The following PET117 variants were observed in gnomAD, a reference collection of about 807,000 sequenced individuals.
PET117 encodes PET117 cytochrome c oxidase chaperone, also known as protein PET117 homolog, mitochondrial.
PET117 carries 10 observed loss-of-function variants against 9.2 expected under a neutral mutation model. That is an observed-to-expected ratio of 1.09 (90% confidence interval 0.67 to 1.85). The LOEUF is 1.85. PET117 is among the 40% of genes most tolerant of loss of function. The pLI is 0.00. For missense variants in PET117, 96 were observed against 98.2 expected (o/e 0.98, Z 0.09); for synonymous variants, 43 against 37.1 (o/e 1.16, Z -0.57).
intron 1 of PET117, among the ~76,000 whole-genome samples, chr20:18,141,497 T>C (rs2037577449): frequency 6.6e-6 from 1 of 152,226 alleles, no homozygotes; most frequent in Non-Finnish European, 1.5e-5. Context: ...TGTTTATTGT[T>C]CAGCTAGGAT....
chr20:18,138,763 CCT>C (rs1568660617), intron 1 of PET117, among the ~76,000 whole-genome samples: 3 of 151,734 alleles, frequency 2.0e-5, no homozygotes, highest in Non-Finnish European at 4.4e-5. Flanking sequence ...ACTATTCTGT[CCT>C]CTCAGTTCAT....
chr20:18,138,430 G>T lies in PET117; in HGVS notation c.96+379G>T, dbSNP rs376762967. 3.3e-4 allele frequency: 328 copies of T among 1,005,444 alleles called. No individual in the cohort carries two copies. In the African/African-American group the frequency reaches 5.3e-3, roughly 16 times the overall value. The allele number at this position is 1,005,444 out of a possible 1,614,324, so 62.3% of individuals were successfully genotyped here. A position where few individuals can be genotyped will look rare whatever the true frequency, so the allele number is the denominator to read the frequency against. Reference sequence around the variant, plus strand: ...GACCTTTCCACATCTCACTTGGGCCGCTAGAAAATAGAAGGTGGGGAAGGA... The same window carrying T: ...GACCTTTCCACATCTCACTTGGGCCTCTAGAAAATAGAAGGTGGGGAAGGA... On this transcript the variant is annotated intron_variant, in intron 1 of 1. Transcript: ENST00000432901.
chr20:18,138,702 T>C (rs2037399965), intron 1 of PET117, among the ~76,000 whole-genome samples: 1 of 152,198 alleles, frequency 6.6e-6, no homozygotes, highest in Non-Finnish European at 1.5e-5. Flanking sequence ...CAGATTTTTT[T>C]TTTTGGTACT....
Position 18,137,993 on chromosome 20 carries a change from T to A in PET117, c.38T>A (p.Val13Glu). 6.6e-7 allele frequency: 1 copy of A among 1,507,084 alleles called. No homozygotes were observed. Among genetic ancestry groups the A allele is most frequent in the African/African-American group, 1.4e-5 (1 of 69,670 alleles). The allele number at this position is 1,507,084 out of a possible 1,614,324, so 93.4% of individuals were successfully genotyped here. A position where few individuals can be genotyped will look rare whatever the true frequency, so the allele number is the denominator to read the frequency against. Residue 13 changes from valine (V) to glutamate (E), a missense_variant, in exon 1 of 2, where the codon GTG becomes GAG. By Grantham distance (121) the Val-to-Glu change is moderately radical. Transcript: ENST00000432901. Reference protein sequence around the residue: ...RSSKVVLGLSVLLTAATVAGV... With the variant: ...RSSKVVLGLSELLTAATVAGV... ...TCGAAGGTGGTGCTGGGCCTCTCGGTGCTGCTGACGGCGGCCACAGTGGCC... is the reference window on the plus strand; with the variant it reads ...TCGAAGGTGGTGCTGGGCCTCTCGGAGCTGCTGACGGCGGCCACAGTGGCC...
intron 1 of PET117, among the ~76,000 whole-genome samples, chr20:18,141,054 TTTTTG>T (rs2037554267): frequency 8.2e-6 from 1 of 121,368 alleles, no homozygotes. Flanking sequence ...TTTATTTTTA[TTTTTG>T]CTAGAGATGG....
chr20:18,140,540 T>C (rs1362863165), intron 1 of PET117, among the ~76,000 whole-genome samples: 2 of 152,118 alleles, frequency 1.3e-5, no homozygotes, highest in Non-Finnish European at 2.9e-5. Context: ...CCAGGCACGG[T>C]AGCTCATGCC....
Position 18,142,993 on chromosome 20 carries a change from C to T in PET117, c.*636C>T. The T allele has an allele frequency of 4.5e-6, 7 of 1,564,286 alleles. No homozygotes were observed. The highest frequency in any genetic ancestry group is 2.3e-5 in the East Asian group (1 of 43,634). ...TTGTTTTTCCAACCTGTGAAAGAAA[C>T]GTGAATGTAAAAGAGACCTAAATAA... On this transcript the variant is annotated 3_prime_UTR_variant, in exon 2 of 2. Coordinates refer to ENST00000432901, the MANE Select transcript of PET117 (RefSeq NM_001164811.2).
Position 18,142,356 on chromosome 20 carries a change from G to T in PET117, c.245G>T (p.Ter82LeuextTer41). The change falls in exon 2 of 2, where the codon TGA becomes TTA. Residue 82 changes from the stop codon to leucine, a stop_lost. Coordinates refer to ENST00000432901, the MANE Select transcript of PET117 (RefSeq NM_001164811.2). ...TTGGCAAAAGGATCTCAAAAATCAT[G>T]ACTTGAATGTGAAATATCTGTTGGA... The part of the protein sequence containing the change: ...MLLAKGSQKS[*>L] 6.5e-7 allele frequency: 1 copy of T among 1,535,952 alleles called. No homozygotes were observed. The highest frequency in any genetic ancestry group is 1.2e-5 in the South Asian group (1 of 83,950).
Position 18,139,926 on chromosome 20 carries a change from A to G in PET117, c.96+1875A>G, listed in dbSNP as rs142776277. On this transcript the variant is annotated intron_variant, in intron 1 of 1. Coordinates refer to ENST00000432901, the MANE Select transcript of PET117 (RefSeq NM_001164811.2). ...ATTAAGCAGTGCTACATGAGGAGCC[A>G]GAGTTCTAGGTGTTAGGGTTGGAAG... is the stretch of plus-strand genomic sequence containing the variant. Among the ~76,000 whole-genome samples the G allele has an allele frequency of 3.3e-3, 506 of 152,324 alleles. 3 individuals carry two copies. The highest frequency in any genetic ancestry group is 0.011 in the African/African-American group (467 of 41,582).
chr20:18,142,546 A>G lies in PET117; in HGVS notation c.*189A>G, dbSNP rs998331617. 54 of 1,510,340 alleles carry G rather than the reference A, an allele frequency of 3.6e-5. No individual in the cohort carries two copies. Among genetic ancestry groups the G allele is most frequent in the Non-Finnish European group, 4.8e-5 (54 of 1,127,738 alleles). The allele number at this position is 1,510,340 out of a possible 1,614,324, so 93.6% of individuals were successfully genotyped here. ...TATATCTGAATAAAGGAGTGTGGGC[A>G]GACACTTTTTGGAAGAGTCTGTCTG... On this transcript the variant is annotated 3_prime_UTR_variant, in exon 2 of 2. Transcript: ENST00000432901.
chr20:18,141,923 T>G (rs903568243), intron 1 of PET117, among the ~76,000 whole-genome samples: 6 of 149,294 alleles, frequency 4.0e-5, no homozygotes, highest in Non-Finnish European at 7.4e-5. Flanking sequence ...ATAGTGCCAG[T>G]TTTTTTTTTC....
intron 1 of PET117, among the ~76,000 whole-genome samples, chr20:18,140,070 A>G (rs1382516486): frequency 6.6e-6 from 1 of 152,146 alleles, no homozygotes; most frequent in Non-Finnish European, 1.5e-5. Flanking sequence ...GAAGATAGCA[A>G]ATGATGGGAT....
chr20:18,142,095 G>T, intron 1 of PET117, 113 bp from the exon 2 acceptor site: 1 of 1,097,806 alleles, frequency 9.1e-7, no homozygotes, highest in South Asian at 2.1e-5. Context: ...TGGGTATTTG[G>T]AATCTGAAAG....
chr20:18,138,136 T>G, intron 1 of PET117, 85 bp downstream of exon 1: 1 of 1,360,592 alleles, frequency 7.3e-7, no homozygotes, highest in South Asian at 1.7e-5. Context: ...GCTCGGTTCC[T>G]CAGCTCCTCT....
chr20:18,141,023 A>ATTTTTTTTTTTTT (rs67633205), intron 1 of PET117, among the ~76,000 whole-genome samples: 2 of 48,750 alleles, frequency 4.1e-5, no homozygotes, highest in African/African-American at 2.2e-4. Flanking sequence ...ACTCCCTGCA[A>ATTTTTTTTTTTTT]TTTTTTTTTT....
At position 18,142,267 on chromosome 20, in the gene PET117, T is replaced by A. The variant is rs773157901; in HGVS notation, c.156T>A (p.Ile52=). Residue 52 remains isoleucine (I), a synonymous_variant, in exon 2 of 2, where the codon ATT becomes ATA. Transcript: ENST00000432901. The part of the protein sequence containing the change: ...IERQIRKKEN[I]RLLGEQIILT... ...GGCAAATTCGGAAAAAAGAAAACAT[T>A]CGTCTTTTGGGAGAACAGATTATTT... The A allele has an allele frequency of 6.5e-7, 1 of 1,537,170 alleles. No individual in the cohort carries two copies. Among genetic ancestry groups the A allele is most frequent in the South Asian group, 1.2e-5 (1 of 84,058 alleles).
At chr20:18,139,154 C>G (rs1308618972) in intron 1 of PET117, among the ~76,000 whole-genome samples, 2 of 152,082 alleles carry the variant, frequency 1.3e-5, no homozygotes, top group South Asian at 4.2e-4. Flanking sequence ...TGTGATGGTA[C>G]AAGAATTTTG....
At chr20:18,140,840 A>AAACAG (rs1230581728) in intron 1 of PET117, among the ~76,000 whole-genome samples, 1 of 140,438 alleles carries the variant, frequency 7.1e-6, no homozygotes, top group African/African-American at 2.7e-5. Flanking sequence ...AAAAAAACCA[A>AAACAG]TAAAACAAAA....
chr20:18,141,585 C>T (rs2037582252), intron 1 of PET117, among the ~76,000 whole-genome samples: 1 of 152,170 alleles, frequency 6.6e-6, no homozygotes, highest in African/African-American at 2.4e-5. Context: ...ATCAATTAAA[C>T]TTTAAAAATT....
Sources: allele counts gnomAD v4.1 joint callset (sites outside exome capture counted in the v4.1 genomes callset), GRCh38; gene constraint gnomAD v4.1.1; transcripts MANE v1.5; gene names NCBI Gene and HGNC (gene_info 2026-07-23, HGNC 2026-07-21).